The following SLC44A1 variants were observed in gnomAD, a reference collection of about 807,000 sequenced individuals.
SLC44A1 encodes the protein solute carrier family 44 member 1.
Under a neutral mutation model 79.3 loss-of-function variants are expected in SLC44A1, and 26 were observed. The observed-to-expected ratio is 0.33, with a 90% confidence interval of 0.24 to 0.46. The LOEUF (loss-of-function observed/expected upper bound fraction) is 0.46. Among genes scored for constraint, SLC44A1 ranks in the 20% least tolerant of loss-of-function variants. SLC44A1 has a pLI of 1.00. For missense variants in SLC44A1, 688 were observed against 798.1 expected (o/e 0.86, Z 1.66); for synonymous variants, 263 against 286.2 (o/e 0.92, Z 0.82).
intron 6 of SLC44A1, among the ~76,000 whole-genome samples, chr9:105,356,733 G>C (rs956875163): frequency 1.3e-5 from 2 of 152,054 alleles, no homozygotes; most frequent in South Asian, 2.1e-4. Context: ...ACTTATACAG[G>C]AGGCGACATA....
At chr9:105,367,946 C>T (rs924571500) in intron 12 of SLC44A1, among the ~76,000 whole-genome samples, 4 of 152,130 alleles carry the variant, frequency 2.6e-5, no homozygotes, top group Non-Finnish European at 5.9e-5. Context: ...GCCCAGTATA[C>T]AATAGGTGGT....
intron 15 of SLC44A1, among the ~76,000 whole-genome samples, chr9:105,388,825 T>G (rs1828692745): frequency 6.6e-6 from 1 of 152,170 alleles, no homozygotes. Context: ...CAGAGAAGTA[T>G]GCTCTGTGTA....
At chr9:105,408,674 G>A (rs1194436946) in intron 15 of SLC44A1, among the ~76,000 whole-genome samples, 1 of 152,168 alleles carries the variant, frequency 6.6e-6, no homozygotes, top group East Asian at 1.9e-4. Context: ...GCTTCCCAAA[G>A]TGCTGGGATT....
intron 13 of SLC44A1, among the ~76,000 whole-genome samples, chr9:105,379,180 G>T (rs1168218335): frequency 6.6e-6 from 1 of 152,168 alleles, no homozygotes; most frequent in Non-Finnish European, 1.5e-5. Context: ...GGAGGCTGAG[G>T]TGGGAGAATC....
intron 1 of SLC44A1, among the ~76,000 whole-genome samples, chr9:105,264,017 C>T (rs1036462270): frequency 1.3e-5 from 2 of 152,092 alleles, no homozygotes; most frequent in Non-Finnish European, 2.9e-5. Flanking sequence ...CAATTTTTGA[C>T]ATTAATTTTG....
rs984220974 is a variant in SLC44A1 at position 105,413,745 on chromosome 9, A to T, written c.1951-24536A>T. ...AGGGGAAAGGCCACCTAGTGGAGTCACTGGCTTTTCCTGCCTATCAGACAG... is the reference window on the plus strand; with the variant it reads ...AGGGGAAAGGCCACCTAGTGGAGTCTCTGGCTTTTCCTGCCTATCAGACAG... On this transcript the variant is annotated intron_variant, in intron 15 of 15. Coordinates refer to the SLC44A1 transcript ENST00000374724. Among the ~76,000 whole-genome samples the T allele has an allele frequency of 2.6e-5, 4 of 152,206 alleles. No homozygotes were observed. The South Asian group carries it at 8.3e-4, about 31-fold the overall frequency.
At chr9:105,325,193 T>A (rs1243456507) in intron 3 of SLC44A1, among the ~76,000 whole-genome samples, 1 of 152,242 alleles carries the variant, frequency 6.6e-6, no homozygotes, top group African/African-American at 2.4e-5. Flanking sequence ...GAAGTGCTTA[T>A]ATATGCCATG....
chr9:105,271,036 C>T (rs998448090), intron 1 of SLC44A1, among the ~76,000 whole-genome samples: 4 of 152,204 alleles, frequency 2.6e-5, no homozygotes, highest in Non-Finnish European at 4.4e-5. Context: ...TTCTTTGATG[C>T]CATCTATGTA....
intron 1 of SLC44A1, 39 bp downstream of exon 1, chr9:105,244,943 C>A: frequency 9.0e-7 from 1 of 1,112,900 alleles, no homozygotes; most frequent in Non-Finnish European, 1.1e-6. Flanking sequence ...GCCCGGATGC[C>A]TCCCGTGCGC....
chr9:105,351,620 AAGAGAGAGAAAG>A (rs145293698), intron 5 of SLC44A1, among the ~76,000 whole-genome samples: 1,437 of 77,630 alleles, frequency 0.019, 21 homozygotes, highest in African/African-American at 0.052. Context: ...GAAAGAAAGA[AAGAGAGAGAAAG>A]AGAAAGAAAG....
intron 2 of SLC44A1, 27 bp from the exon 3 acceptor site, chr9:105,309,697 G>C (rs561990148): frequency 6.2e-7 from 1 of 1,610,318 alleles, no homozygotes; most frequent in South Asian, 1.1e-5. Flanking sequence ...TGGTTTATTT[G>C]TATGTTTTTT....
chr9:105,385,057 A>G (rs958341498), intron 14 of SLC44A1, among the ~76,000 whole-genome samples: 1 of 152,190 alleles, frequency 6.6e-6, no homozygotes, highest in Non-Finnish European at 1.5e-5. Flanking sequence ...TTGTTGTTTC[A>G]TTTAACCTTG....
At chr9:105,342,847 T>A (rs560728100) in intron 4 of SLC44A1, among the ~76,000 whole-genome samples, 15 of 152,238 alleles carry the variant, frequency 9.9e-5, no homozygotes, top group Admixed American at 8.5e-4. Flanking sequence ...AGTTTAGAAA[T>A]GAGCACAATC....
intron 5 of SLC44A1, among the ~76,000 whole-genome samples, chr9:105,354,329 C>T (rs1338523370): frequency 2.0e-5 from 3 of 152,024 alleles, no homozygotes; most frequent in South Asian, 2.1e-4. Flanking sequence ...GGATTACAGG[C>T]GTGAGCCACC....
At chr9:105,405,974 A>C (rs184763365) in intron 15 of SLC44A1, among the ~76,000 whole-genome samples, 1 of 152,324 alleles carries the variant, frequency 6.6e-6, no homozygotes, top group Admixed American at 6.5e-5. Context: ...GGCTTGACAC[A>C]GGAAGGACCT....
intron 9 of SLC44A1, 49 bp from the exon 10 acceptor site, chr9:105,364,506 G>A: frequency 6.5e-7 from 1 of 1,545,184 alleles, no homozygotes. Context: ...CCGTATTTCT[G>A]GATTTGTACT....
intron 8 of SLC44A1, among the ~76,000 whole-genome samples, chr9:105,361,944 G>A (rs985737936): frequency 2.6e-5 from 4 of 152,126 alleles, no homozygotes; most frequent in East Asian, 1.9e-4. Context: ...CCAGCTACTC[G>A]GGAGGCAGAG....
intron 1 of SLC44A1, among the ~76,000 whole-genome samples, chr9:105,290,121 G>A (rs1830570116): frequency 6.6e-6 from 1 of 152,136 alleles, no homozygotes; most frequent in Admixed American, 6.5e-5. Flanking sequence ...TGGCCTGTAA[G>A]TCAATTTTTA....
At chr9:105,416,058 T>C (rs12345255) in intron 15 of SLC44A1, among the ~76,000 whole-genome samples, 5,885 of 151,922 alleles carry the variant, frequency 0.039, 357 homozygotes, top group African/African-American at 0.13. Context: ...CCCACCACCA[T>C]GCCCAGCTAG....
Sources: allele counts gnomAD v4.1 joint callset (sites outside exome capture counted in the v4.1 genomes callset), GRCh38; gene constraint gnomAD v4.1.1; transcripts MANE v1.5; gene names NCBI Gene and HGNC (gene_info 2026-07-23, HGNC 2026-07-21).